The following RABGEF1 variants were observed in gnomAD, a reference collection of about 807,000 sequenced individuals.
The protein encoded by RABGEF1 is RAB guanine nucleotide exchange factor 1, also known as rab5 GDP/GTP exchange factor.
In RABGEF1, 26 loss-of-function variants were observed where a neutral mutation model predicts 57.3. The observed-to-expected ratio is 0.45, with a 90% CI of 0.33 to 0.63. The LOEUF (loss-of-function observed/expected upper bound fraction) is 0.63, where lower values mean the gene tolerates loss of function less well. Ranked by LOEUF, RABGEF1 falls within the 20% of genes least tolerant of loss-of-function variation. RABGEF1 has a pLI of 0.02. For synonymous variants in RABGEF1, 185 were observed against 210.7 expected (o/e 0.88, Z 1.06); for missense variants, 464 against 607.6 (o/e 0.76, Z 2.48).
intron 1 of RABGEF1, among the ~76,000 whole-genome samples, chr7:66,692,491 C>T (rs1791666978): frequency 6.6e-6 from 1 of 152,140 alleles, no homozygotes; most frequent in African/African-American, 2.4e-5. Flanking sequence ...CTGTTCCCAC[C>T]CAAAACCATC....
chr7:66,669,072 G>C, the RABGEF1 span, among the ~76,000 whole-genome samples: 1 of 152,154 alleles, frequency 6.6e-6, no homozygotes, highest in Non-Finnish European at 1.5e-5. Context: ...ATGACTTCTG[G>C]CTGGGTCTTA....
intron 2 of RABGEF1, among the ~76,000 whole-genome samples, chr7:66,719,405 A>AT (rs1479224998): frequency 2.6e-5 from 4 of 152,050 alleles, no homozygotes; most frequent in Non-Finnish European, 4.4e-5. Context: ...GGGTCTTGCT[A>AT]TGTTGCCTAG....
chr7:66,717,600 C>G (rs879702066), intron 2 of RABGEF1, among the ~76,000 whole-genome samples: 1 of 151,832 alleles, frequency 6.6e-6, no homozygotes, highest in African/African-American at 2.4e-5. Context: ...CTAGTGTCAC[C>G]CAGGCTGGAG....
the RABGEF1 span, among the ~76,000 whole-genome samples, chr7:66,664,710 G>A: frequency 2.0e-5 from 3 of 152,164 alleles, no homozygotes; most frequent in African/African-American, 2.4e-5. Flanking sequence ...TCTGGAGGCC[G>A]GCCCATCACG....
chr7:66,746,015 A>C (rs1183155193), intron 1 of RABGEF1, among the ~76,000 whole-genome samples: 1 of 152,202 alleles, frequency 6.6e-6, no homozygotes, highest in Non-Finnish European at 1.5e-5. Flanking sequence ...TATTAAATGT[A>C]CACTTCTTTC....
chr7:66,687,023 G>T (rs909145256), intron 1 of RABGEF1, among the ~76,000 whole-genome samples: 2 of 148,870 alleles, frequency 1.3e-5, no homozygotes, highest in African/African-American at 5.0e-5. Context: ...GGGTTTCACT[G>T]TGTTAGCCAG....
In RABGEF1 at chr7:66,683,913, A is replaced by G. The variant is rs563386960; in HGVS notation, c.-873+1655A>G. On this transcript the variant is annotated intron_variant and NMD_transcript_variant, in intron 1 of 9. Transcript: ENST00000607882. ...GTGCCGCCACACCCAGCTGATTTTT[A>G]AAGATTTTGTAAAGATGTTGTCTTG... is the stretch of plus-strand genomic sequence containing the variant. 2.0e-5 allele frequency among the ~76,000 whole-genome samples: 3 copies of G among 152,116 alleles called. No individual in the cohort carries two copies. In the East Asian group the frequency reaches 5.8e-4, roughly 29 times the overall value.
At chr7:66,696,047 C>A (rs1021324950) in intron 1 of RABGEF1, among the ~76,000 whole-genome samples, 3 of 151,228 alleles carry the variant, frequency 2.0e-5, no homozygotes, top group Non-Finnish European at 4.4e-5. Context: ...GGACGTGGGC[C>A]TTACAAGGGA....
At chr7:66,664,833 G>C in the RABGEF1 span, among the ~76,000 whole-genome samples, 1 of 152,216 alleles carries the variant, frequency 6.6e-6, no homozygotes, top group Non-Finnish European at 1.5e-5. Context: ...AAACAGTACT[G>C]ACCTCTTCGG....
the RABGEF1 span, among the ~76,000 whole-genome samples, chr7:66,671,009 A>G: frequency 4.0e-5 from 6 of 151,608 alleles, no homozygotes; most frequent in Admixed American, 4.0e-4. Flanking sequence ...ATATATATCT[A>G]TATCTATATT....
chr7:66,711,732 G>A (rs1794811373), intron 1 of RABGEF1, among the ~76,000 whole-genome samples: 1 of 151,976 alleles, frequency 6.6e-6, no homozygotes, highest in Admixed American at 6.6e-5. Flanking sequence ...AACTACAGGT[G>A]CCTGACACCA....
chr7:66,749,973 C>G (rs1321249767), intron 1 of RABGEF1, among the ~76,000 whole-genome samples: 1 of 152,144 alleles, frequency 6.6e-6, no homozygotes, highest in Non-Finnish European at 1.5e-5. Flanking sequence ...GACTCCATCT[C>G]AAAAACAAAC....
intron 2 of RABGEF1, among the ~76,000 whole-genome samples, chr7:66,722,522 A>T (rs1478085918): frequency 2.0e-5 from 3 of 152,084 alleles, no homozygotes; most frequent in Non-Finnish European, 2.9e-5. Context: ...ATTTTGATGA[A>T]CTCCAATTTA....
chr7:66,766,464 T>G (rs1431708304), intron 1 of RABGEF1, among the ~76,000 whole-genome samples: 1 of 152,188 alleles, frequency 6.6e-6, no homozygotes, highest in Non-Finnish European at 1.5e-5. Context: ...TATTCTTTTC[T>G]TTTTTTCTAC....
chr7:66,676,810 C>G, the RABGEF1 span, among the ~76,000 whole-genome samples: 1 of 152,208 alleles, frequency 6.6e-6, no homozygotes, highest in Non-Finnish European at 1.5e-5. Flanking sequence ...TTTCAAACTC[C>G]TGGCTTCAAG....
At chr7:66,720,654 A>C (rs368206221) in intron 2 of RABGEF1, among the ~76,000 whole-genome samples, 1 of 152,186 alleles carries the variant, frequency 6.6e-6, no homozygotes, top group South Asian at 2.1e-4. Context: ...AAGCATGTCC[A>C]CTCTTGCTGC....
chr7:66,794,207 A>ATTTTTTTTTTTTTT (rs1174835014), intron 4 of RABGEF1, among the ~76,000 whole-genome samples: 215 of 90,840 alleles, frequency 2.4e-3, no homozygotes, highest in African/African-American at 2.6e-3. Context: ...TCCATGTTTA[A>ATTTTTTTTTTTTTT]TTTTTTTTTT....
intron 2 of RABGEF1, among the ~76,000 whole-genome samples, chr7:66,722,786 G>A (rs575624713): frequency 2.0e-5 from 3 of 152,134 alleles, no homozygotes; most frequent in African/African-American, 4.8e-5. Context: ...CTGCATTTCC[G>A]TATGAATTTT....
intron 2 of RABGEF1, among the ~76,000 whole-genome samples, chr7:66,714,994 G>C (rs189422937): frequency 2.4e-4 from 37 of 152,016 alleles, no homozygotes; most frequent in African/African-American, 4.3e-4. Flanking sequence ...AACTTTCGTC[G>C]TCCTCCTCCT....
Sources: allele counts gnomAD v4.1 joint callset (sites outside exome capture counted in the v4.1 genomes callset), GRCh38; gene constraint gnomAD v4.1.1; transcripts MANE v1.5; gene names NCBI Gene and HGNC (gene_info 2026-07-23, HGNC 2026-07-21).